Variants in VGLL4 observed in about 807,000 individuals in gnomAD.
VGLL4 encodes the protein vestigial like family member 4, also known as transcription cofactor vestigial-like protein 4.
Under a neutral mutation model 21.0 loss-of-function variants are expected in VGLL4, and 7 were observed. The observed-to-expected ratio is 0.33, with a 90% CI of 0.19 to 0.63. The LOEUF (loss-of-function observed/expected upper bound fraction) is 0.63. Among genes scored for constraint, VGLL4 ranks in the 20% least tolerant of loss-of-function variants. VGLL4 has a pLI of 0.78. For missense variants in VGLL4, 394 were observed against 425.7 expected, an observed-to-expected ratio of 0.93 and a Z score of 0.66; for synonymous variants, 222 against 173.2, an observed-to-expected ratio of 1.28 and a Z score of -2.21.
intron 2 of VGLL4, among the ~76,000 whole-genome samples, chr3:11,649,179 C>T (rs2075834431): frequency 6.6e-6 from 1 of 152,218 alleles, no homozygotes; most frequent in Non-Finnish European, 1.5e-5. Flanking sequence ...GCCATTACAA[C>T]ACCTTCAATA....
chr3:11,669,837 T>C (rs1023632925), intron 2 of VGLL4, among the ~76,000 whole-genome samples: 4 of 152,146 alleles, frequency 2.6e-5, no homozygotes, highest in African/African-American at 9.7e-5. Flanking sequence ...CACACCACCA[T>C]GTACTGCTAA....
intron 1 of VGLL4, among the ~76,000 whole-genome samples, chr3:11,706,087 C>A (rs4600804): frequency 0.026 from 3,922 of 152,220 alleles, 66 homozygotes; most frequent in Admixed American, 0.037. Context: ...TTAATACATA[C>A]CTTAGGTTAT....
At chr3:11,603,149 C>A (rs988241373) in intron 1 of VGLL4, among the ~76,000 whole-genome samples, 10 of 152,296 alleles carry the variant, frequency 6.6e-5, no homozygotes, top group Admixed American at 3.3e-4. Flanking sequence ...TCATTTACTT[C>A]ATACACATAT....
At chr3:11,671,716 A>G (rs2076219685) in intron 2 of VGLL4, among the ~76,000 whole-genome samples, 1 of 148,044 alleles carries the variant, frequency 6.8e-6, no homozygotes, top group Non-Finnish European at 1.5e-5. Flanking sequence ...TGATCTAAAA[A>G]TTCACTTTTT....
chr3:11,608,758 T>G (rs1258391111), intron 1 of VGLL4, among the ~76,000 whole-genome samples: 1 of 152,236 alleles, frequency 6.6e-6, no homozygotes, highest in Non-Finnish European at 1.5e-5. Context: ...TACAAATAAT[T>G]GGCATATATT....
chr3:11,635,457 G>A lies in VGLL4; in HGVS notation c.82+7980C>T, dbSNP rs1034396209. Among the ~76,000 whole-genome samples, 9 of 152,232 alleles carry A rather than the reference G, an allele frequency of 5.9e-5. No homozygotes were observed. The East Asian group carries it at 1.7e-3, about 29-fold the overall frequency. Reference sequence around the variant, plus strand: ...ATGAATTCAGAAGAGCTTGCAGGCAGGGAAGCAACATGTGGTTCTTTTATT... The same window carrying A: ...ATGAATTCAGAAGAGCTTGCAGGCAAGGAAGCAACATGTGGTTCTTTTATT... On this transcript the variant is annotated intron_variant, in intron 1 of 4. Coordinates refer to ENST00000430365, the MANE Select transcript of VGLL4 (RefSeq NM_001128219.3).
intron 1 of VGLL4, among the ~76,000 whole-genome samples, chr3:11,621,169 C>CT (rs1484787873): frequency 1.3e-5 from 2 of 152,216 alleles, no homozygotes; most frequent in Non-Finnish European, 2.9e-5. Flanking sequence ...TTTATAATAG[C>CT]TTTATTGACA....
At chr3:11,585,234 G>A (rs778212959) in intron 2 of VGLL4, among the ~76,000 whole-genome samples, 28 of 151,912 alleles carry the variant, frequency 1.8e-4, no homozygotes, top group Admixed American at 3.3e-4. Context: ...TCAGGAGTTC[G>A]ACACCACCCT....
At chr3:11,599,362 C>A (rs1036420724) in intron 2 of VGLL4, among the ~76,000 whole-genome samples, 7 of 150,860 alleles carry the variant, frequency 4.6e-5, no homozygotes, top group African/African-American at 1.2e-4. Context: ...GGAGGTTACT[C>A]CTGTTTCTAT....
Position 11,691,714 on chromosome 3 carries a change from T to C in VGLL4, c.64+11257A>G, listed in dbSNP as rs547028018. Among the ~76,000 whole-genome samples the C allele has an allele frequency of 1.1e-4, 16 of 152,206 alleles. 1 individual carries two copies. The South Asian group carries it at 1.5e-3, about 14-fold the overall frequency. On this transcript the variant is annotated intron_variant, in intron 2 of 5. Transcript: ENST00000273038. ...CTTTCTCTCTCTTCACCCCCAAGAA[T>C]TCCTGAGCCAGATCCAAGCTGGTGG...
chr3:11,572,718 G>A (rs911204421), intron 2 of VGLL4, among the ~76,000 whole-genome samples: 17 of 152,046 alleles, frequency 1.1e-4, no homozygotes, highest in Admixed American at 1.1e-3. Flanking sequence ...CCCTCATGTT[G>A]GTCTTGGAGC....
intron 1 of VGLL4, among the ~76,000 whole-genome samples, chr3:11,616,088 G>C (rs1182146344): frequency 6.6e-6 from 1 of 151,974 alleles, no homozygotes; most frequent in Non-Finnish European, 1.5e-5. Flanking sequence ...GCCTCAACCT[G>C]ATCAGCCCAT....
At chr3:11,576,292 G>C (rs963961689) in intron 2 of VGLL4, among the ~76,000 whole-genome samples, 5 of 152,196 alleles carry the variant, frequency 3.3e-5, no homozygotes, top group Non-Finnish European at 7.3e-5. Context: ...TCCCACATTA[G>C]AGTTTTCAAA....
At position 11,557,904 on chromosome 3, in the gene VGLL4, C is replaced by T. The variant is rs149366792; in HGVS notation, c.*652G>A. The T allele has an allele frequency of 2.2e-3, 343 of 153,350 alleles. 1 individual carries two copies. Among genetic ancestry groups the T allele is most frequent in the Middle Eastern group, 3.4e-3 (1 of 294 alleles). The allele number at this position is 153,350 out of a possible 1,614,324, so 9.5% of individuals were successfully genotyped here. On this transcript the variant is annotated 3_prime_UTR_variant, in exon 5 of 5. Transcript: ENST00000430365. The stretch of plus-strand genomic sequence containing the variant: ...AGACCTATAACCTGTATGAGACTTC[C>T]CCTTCCAAAGCTGTATTGTCTACAT...
intron 2 of VGLL4, among the ~76,000 whole-genome samples, chr3:11,600,670 A>G (rs1299549788): frequency 6.6e-6 from 1 of 152,174 alleles, no homozygotes; most frequent in Non-Finnish European, 1.5e-5. Context: ...GACTGGAACG[A>G]GCGGAATGCG....
intron 2 of VGLL4, among the ~76,000 whole-genome samples, chr3:11,687,207 T>C (rs1256708966): frequency 6.6e-6 from 1 of 152,196 alleles, no homozygotes; most frequent in East Asian, 1.9e-4. Context: ...AACTTAAGAA[T>C]CAGCTTATCA....
At chr3:11,618,529 G>A (rs965378275) in intron 1 of VGLL4, among the ~76,000 whole-genome samples, 9 of 152,112 alleles carry the variant, frequency 5.9e-5, no homozygotes, top group African/African-American at 1.9e-4. Context: ...CCAAAGAATA[G>A]GTAAATCTGT....
Position 11,558,694 on chromosome 3 carries a change from C to T in VGLL4, c.753G>A (p.Leu251=). ...GSVDDHFAKA[L]GDTWLQIKAA... ...CTTTGATCTGGAGCCACGTGTCACC[C>T]AGAGCTTTGGCAAAGTGGTCGTCCA... The change falls in exon 5 of 5, where the codon CTG becomes CTA. Residue 251 remains leucine, a synonymous_variant. Transcript: ENST00000430365. The T allele has an allele frequency of 6.2e-7, 1 of 1,614,016 alleles. No individual in the cohort carries two copies. The highest frequency in any genetic ancestry group is 2.2e-5 in the East Asian group (1 of 44,870).
chr3:11,679,732 T>A (rs1167014318), intron 2 of VGLL4, among the ~76,000 whole-genome samples: 1 of 152,136 alleles, frequency 6.6e-6, no homozygotes, highest in Non-Finnish European at 1.5e-5. Context: ...AGAAAGAAAG[T>A]ATTTTTGTTC....
Sources: gnomAD v4.1 joint callset for allele counts (sites outside exome capture counted in the v4.1 genomes callset) on GRCh38, gnomAD v4.1.1 for gene constraint, MANE v1.5 for transcripts, NCBI Gene and HGNC (gene_info 2026-07-23, HGNC 2026-07-21) for gene names.